Variants in PCDHGA2 observed in about 807,000 individuals in gnomAD.
PCDHGA2 encodes protocadherin gamma subfamily A, 2, also known as protocadherin gamma-A2.
Under a neutral mutation model 59.2 loss-of-function variants are expected in PCDHGA2, and 40 were observed. That is an observed-to-expected ratio of 0.68 (90% CI 0.52 to 0.88). The LOEUF (loss-of-function observed/expected upper bound fraction) is 0.88. Ranked by LOEUF, PCDHGA2 falls within the 40% of genes least tolerant of loss-of-function variation. The pLI is 0.00. For synonymous variants in PCDHGA2, 560 were observed against 526.0 expected (o/e 1.06, Z -0.89); for missense variants, 1,226 against 1,204.0 (o/e 1.02, Z -0.27).
chr5:141,359,592 A>G (rs1761262704), intron 1 of PCDHGA2, among the ~76,000 whole-genome samples: 1 of 151,914 alleles, frequency 6.6e-6, no homozygotes, highest in Admixed American at 6.6e-5. Flanking sequence ...TAACAACTAA[A>G]AAAGCAATGT....
chr5:141,352,387 G>A (rs746278083), intron 1 of PCDHGA2: 21 of 1,613,926 alleles, frequency 1.3e-5, no homozygotes, highest in Non-Finnish European at 1.8e-5. Flanking sequence ...CGATCGCCCT[G>A]CGCCTGCGAC....
intron 1 of PCDHGA2, chr5:141,394,974 A>T: frequency 6.2e-7 from 1 of 1,613,852 alleles, no homozygotes; most frequent in Non-Finnish European, 8.5e-7. Context: ...GCGCTGGCAC[A>T]AGTCACGCCT....
At chr5:141,366,402 T>C (rs1465149203) in intron 1 of PCDHGA2, 12 of 1,614,168 alleles carry the variant, frequency 7.4e-6, no homozygotes, top group Non-Finnish European at 1.0e-5. Flanking sequence ...GACCTCACAC[T>C]CTATCTTGTG....
chr5:141,487,040 C>T lies in PCDHGA2; in HGVS notation c.2425-7767C>T, dbSNP rs374574042. The T allele has an allele frequency of 3.7e-6, 6 of 1,614,136 alleles. No homozygotes were observed. Among genetic ancestry groups the T allele is most frequent in the South Asian group, 1.1e-5 (1 of 91,082 alleles). On this transcript the variant is annotated intron_variant, in intron 1 of 3. Transcript: ENST00000394576. This position sits in a 1 kb window ranked among gnomAD's most constrained non-coding sequence, Gnocchi z 5.0. Reference sequence around the variant, plus strand: ...AGATCCCAGCCTGTTTGCAGTCTCTCGATATGCTGGGGAGGTGCGGACGGC... The same window carrying T: ...AGATCCCAGCCTGTTTGCAGTCTCTTGATATGCTGGGGAGGTGCGGACGGC...
At chr5:141,465,522 G>A (rs1416012695) in intron 1 of PCDHGA2, among the ~76,000 whole-genome samples, 1 of 152,112 alleles carries the variant, frequency 6.6e-6, no homozygotes, top group Non-Finnish European at 1.5e-5. Context: ...AGGATTCTGG[G>A]GAAGTTTTCC....
chr5:141,346,458 G>T, intron 1 of PCDHGA2: 1 of 1,614,152 alleles, frequency 6.2e-7, no homozygotes, highest in South Asian at 1.1e-5. Context: ...CCTACTTCAG[G>T]TGAGTTTATT....
intron 1 of PCDHGA2, among the ~76,000 whole-genome samples, chr5:141,437,339 T>A (rs1008090968): frequency 3.3e-5 from 5 of 152,262 alleles, no homozygotes; most frequent in Non-Finnish European, 7.3e-5. Context: ...GTAGCTTCAC[T>A]GTTTTATAGT....
At chr5:141,427,401 G>A (rs2097022075) in intron 1 of PCDHGA2, 1 of 461,400 alleles carries the variant, frequency 2.2e-6, no homozygotes, top group Non-Finnish European at 4.3e-6. Flanking sequence ...ACATGATAAA[G>A]ATTCGAGAGA....
chr5:141,414,647 T>C (rs1369045439), intron 1 of PCDHGA2: 3 of 1,613,926 alleles, frequency 1.9e-6, no homozygotes, highest in South Asian at 2.2e-5. Flanking sequence ...AATGCCCAGA[T>C]TATTTACTCC....
At chr5:141,407,271 GA>G (rs2094907406) in intron 1 of PCDHGA2, among the ~76,000 whole-genome samples, 1 of 152,204 alleles carries the variant, frequency 6.6e-6, no homozygotes, top group African/African-American at 2.4e-5. Context: ...CATGCAACAA[GA>G]AAATTGTTAC....
At chr5:141,378,078 T>C (rs1215089288) in intron 1 of PCDHGA2, 1 of 152,178 alleles carries the variant, frequency 6.6e-6, no homozygotes, top group South Asian at 2.1e-4. Context: ...GAAAATAATT[T>C]TATAACTTTT....
chr5:141,477,571 C>T lies in PCDHGA2; in HGVS notation c.2425-17236C>T, dbSNP rs1470454976. The T allele has an allele frequency of 8.1e-6, 13 of 1,614,160 alleles. No individual in the cohort carries two copies. Among genetic ancestry groups the T allele is most frequent in the Middle Eastern group, 1.7e-4 (1 of 6,060 alleles). ...TAAACCTAAGTGTCTGGGACCCCGACGCCCCGCAGAATGCTCGGCTTTCTT... is the reference window on the plus strand; with the variant it reads ...TAAACCTAAGTGTCTGGGACCCCGATGCCCCGCAGAATGCTCGGCTTTCTT... On this transcript the variant is annotated intron_variant, in intron 1 of 3. Transcript: ENST00000394576. This position sits in a 1 kb window ranked among gnomAD's most constrained non-coding sequence, Gnocchi z 4.9.
At chr5:141,355,346 C>G (rs571668487) in intron 1 of PCDHGA2, 2 of 1,613,986 alleles carry the variant, frequency 1.2e-6, no homozygotes, top group African/African-American at 2.7e-5. Context: ...GGCAACATCG[C>G]CAAGGACCTG....
intron 1 of PCDHGA2, chr5:141,388,884 G>A: frequency 1.9e-6 from 3 of 1,614,002 alleles, no homozygotes; most frequent in Non-Finnish European, 2.5e-6. Flanking sequence ...AGTGGAGGTA[G>A]AAGTCATAGA....
Position 141,431,724 on chromosome 5 carries a change from T to C in PCDHGA2, c.2425-63083T>C, listed in dbSNP as rs758754345. The C allele has an allele frequency of 6.2e-7, 1 of 1,614,036 alleles. No individual in the cohort carries two copies. Among genetic ancestry groups the C allele is most frequent in the Non-Finnish European group, 8.5e-7 (1 of 1,180,036 alleles). On this transcript the variant is annotated intron_variant, in intron 1 of 3. Coordinates refer to ENST00000394576, the MANE Select transcript of PCDHGA2 (RefSeq NM_018915.4). This position sits in a 1 kb window ranked among gnomAD's most constrained non-coding sequence, Gnocchi z 4.8. The stretch of plus-strand genomic sequence containing the variant: ...TTCTACCAGATGGAAGTGCAAGCAA[T>C]GGATAATGCAGGATATTCTGCGCGA...
chr5:141,459,574 T>G (rs1163443021), intron 1 of PCDHGA2, among the ~76,000 whole-genome samples: 6 of 152,226 alleles, frequency 3.9e-5, no homozygotes, highest in African/African-American at 1.4e-4. Flanking sequence ...AAAACAGAAT[T>G]GTTTTGGGGG....
chr5:141,510,817 T>C, intron 3 of PCDHGA2, 130 bp from the exon 4 acceptor site: 2 of 1,551,592 alleles, frequency 1.3e-6, no homozygotes, highest in African/African-American at 2.7e-5. Flanking sequence ...GTGACCCCTA[T>C]ATTCCCAGTG....
At chr5:141,454,964 C>T (rs1283179107) in intron 1 of PCDHGA2, among the ~76,000 whole-genome samples, 10 of 151,622 alleles carry the variant, frequency 6.6e-5, no homozygotes, top group African/African-American at 2.4e-4. Flanking sequence ...CCGGCCACCA[C>T]GCCTGGCTAA....
chr5:141,392,900 A>G, intron 1 of PCDHGA2: 1 of 1,613,714 alleles, frequency 6.2e-7, no homozygotes, highest in Non-Finnish European at 8.5e-7. Flanking sequence ...TCGGGAGGGG[A>G]CAGATTCGCT....
Sources: gnomAD v4.1 joint callset for allele counts (sites outside exome capture counted in the v4.1 genomes callset) on GRCh38, gnomAD v4.1.1 for gene constraint, Gnocchi (gnomAD v3.1) non-coding constraint, MANE v1.5 for transcripts, NCBI Gene and HGNC (gene_info 2026-07-23, HGNC 2026-07-21) for gene names.